Variants in BCL6B observed in about 807,000 individuals in gnomAD.
BCL6B encodes the protein B-cell CLL/lymphoma 6 member B protein.
Under a neutral mutation model 44.6 loss-of-function variants are expected in BCL6B, and 28 were observed. The observed-to-expected ratio is 0.63, with a 90% CI of 0.47 to 0.86. BCL6B has a LOEUF of 0.86. Among genes scored for constraint, BCL6B ranks in the 40% least tolerant of loss-of-function variants. The pLI, the probability that BCL6B is intolerant of heterozygous loss-of-function variation, is 0.00. For synonymous variants in BCL6B, 268 were observed against 263.6 expected (o/e 1.02, Z -0.16); for missense variants, 626 against 652.3 (o/e 0.96, Z 0.44).
At chr17:7,026,910 T>C in intron 7 of BCL6B, 40 bp from the exon 8 acceptor site, 1 of 1,611,280 alleles carries the variant, frequency 6.2e-7, no homozygotes, top group Middle Eastern at 1.6e-4. Context: ...GAGGGTTCTG[T>C]TCCTCCCAGA....
chr17:7,024,974 T>A lies in BCL6B; in HGVS notation c.765-102T>A, dbSNP rs779826118. 40 of 1,527,780 alleles carry A rather than the reference T, an allele frequency of 2.6e-5. No individual in the cohort carries two copies. Among genetic ancestry groups the A allele is most frequent in the Non-Finnish European group, 3.4e-5 (39 of 1,135,470 alleles). The allele number at this position is 1,527,780 out of a possible 1,614,324, so 94.6% of individuals were successfully genotyped here. ...TGGCTCATTGGTCAACAATATTGGC[T>A]CACCCTGAGAGGGCAGGCCTTTGGC... On this transcript the variant is annotated intron_variant, in intron 4 of 8. Coordinates refer to ENST00000293805, the MANE Select transcript of BCL6B (RefSeq NM_181844.4). This position sits in a 1 kb window ranked among gnomAD's most constrained non-coding sequence, Gnocchi z 6.6.
Position 7,027,074 on chromosome 17 carries a change from A to T in BCL6B, c.1310A>T (p.Glu437Val), listed in dbSNP as rs1465987874. 3.1e-6 allele frequency: 5 copies of T among 1,613,976 alleles called. No individual in the cohort carries two copies. The South Asian group carries it at 5.5e-5, about 18-fold the overall frequency. The stretch of plus-strand genomic sequence containing the variant: ...AGCCACGTTCGCATCCACACCGGAG[A>T]GAAGCCTTACCACGTGGGTACCCAA... ...LKSHVRIHTG[E>V]KPYHCDPCGL... Residue 437 changes from glutamate (E) to valine (V), a missense_variant, in exon 8 of 9, where the codon GAG (glutamate) becomes GTG (valine). Glu to Val is a moderately radical substitution (Grantham distance 121, BLOSUM62 -2). Coordinates refer to ENST00000293805, the MANE Select transcript of BCL6B (RefSeq NM_181844.4).
Position 7,026,552 on chromosome 17 carries a change from A to G in BCL6B, c.985A>G (p.Lys329Glu). 1 of 1,614,192 alleles carries G rather than the reference A, an allele frequency of 6.2e-7. No individual in the cohort carries two copies. Among genetic ancestry groups the G allele is most frequent in the Non-Finnish European group, 8.5e-7 (1 of 1,180,034 alleles). ...TCCTGGGGACGAAGACAAACCCTAT[A>G]AGTGTCAGCTGTGCCGGTCTTCGTT... ...LVPGDEDKPY[K>E]CQLCRSSFRY... Residue 329 changes from lysine (K) to glutamate (E), a missense_variant, in exon 6 of 9, where the codon AAG becomes GAG. Physicochemically the swap from Lys to Glu is moderately conservative, Grantham distance 56. Transcript: ENST00000293805.
At position 7,024,934 on chromosome 17, in the gene BCL6B, GC is replaced by G; in HGVS notation, c.765-141del. On this transcript the variant is annotated intron_variant, in intron 4 of 8. Transcript: ENST00000293805. This position sits in a 1 kb window ranked among gnomAD's most constrained non-coding sequence, Gnocchi z 6.6. ...GTTTATTCAGCAGGGTGGCACTTGG[GC>G]AGTACAATGGATGTGGCTCATTGGT... is the stretch of plus-strand genomic sequence containing the variant. The G allele has an allele frequency of 6.8e-7, 1 of 1,477,476 alleles. No homozygotes were observed. The highest frequency in any genetic ancestry group is 1.3e-5 in the South Asian group (1 of 74,792). The allele number at this position is 1,477,476 out of a possible 1,614,324, so 91.5% of individuals were successfully genotyped here. A position where few individuals can be genotyped will look rare whatever the true frequency, so the allele number is the denominator to read the frequency against.
chr17:7,026,763 G>A lies in BCL6B; in HGVS notation c.1113G>A (p.Leu371=), dbSNP rs768368792. 22 of 1,614,072 alleles carry A rather than the reference G, an allele frequency of 1.4e-5. No homozygotes were observed. In the Admixed American group the frequency reaches 2.5e-4, roughly 18 times the overall value. Residue 371 remains leucine (L), a synonymous_variant, in exon 7 of 9, where the codon CTG becomes CTA. Coordinates refer to ENST00000293805, the MANE Select transcript of BCL6B (RefSeq NM_181844.4). ...CGARFNRPAN[L]KTHSRIHSGE... ...CCCGTTTTAACCGGCCAGCAAACCT[G>A]AAAACGCACAGCCGCATCCATTCGG... is the stretch of plus-strand genomic sequence containing the variant.
intron 2 of BCL6B, 109 bp from the exon 3 acceptor site, chr17:7,023,974 G>A: frequency 6.6e-7 from 1 of 1,521,458 alleles, no homozygotes; most frequent in East Asian, 2.3e-5. Flanking sequence ...AATTGGGGGC[G>A]GGGTGATAGT....
chr17:7,027,607 CG>C lies in BCL6B; in HGVS notation c.1434del (p.Ter480SerfsTer2). The part of the protein sequence containing the change: ...TNTKVHYHIL[G>X]GP ...ACACCAAAGTGCACTACCACATTCT[CG>C]GGGGGCCCTAGCTGAGCGCAGGCCC... On this transcript the variant is annotated frameshift_variant, in exon 9 of 9. Coordinates refer to ENST00000293805, the MANE Select transcript of BCL6B (RefSeq NM_181844.4). LOFTEE classifies it high-confidence loss of function. 1.2e-6 allele frequency: 2 copies of C among 1,613,286 alleles called. No individual in the cohort carries two copies. The highest frequency in any genetic ancestry group is 8.5e-7 in the Non-Finnish European group (1 of 1,180,006).
Position 7,028,766 on chromosome 17 carries a change from CTT to C in BCL6B, c.*1149_*1150del, listed in dbSNP as rs1381616153. ...TGGCCTAGGGAAGAATCATGAAACTCTTTAGCTTGATTAGATGGTAAACAGTG... is the reference window on the plus strand; with the variant it reads ...TGGCCTAGGGAAGAATCATGAAACTCTAGCTTGATTAGATGGTAAACAGTG... On this transcript the variant is annotated 3_prime_UTR_variant, in exon 9 of 9. Transcript: ENST00000293805. The C allele has an allele frequency of 2.0e-6, 2 of 985,346 alleles. No homozygotes were observed. The highest frequency in any genetic ancestry group is 3.5e-5 in the African/African-American group (2 of 57,240). The allele number at this position is 985,346 out of a possible 1,614,324, so 61.0% of individuals were successfully genotyped here. A position where few individuals can be genotyped will look rare whatever the true frequency, so the allele number is the denominator to read the frequency against.
intron 5 of BCL6B, among the ~76,000 whole-genome samples, chr17:7,025,879 C>G (rs1460658471): frequency 1.3e-5 from 2 of 151,224 alleles, no homozygotes; most frequent in African/African-American, 4.9e-5. Context: ...AAACAAAACT[C>G]CTCCCACTAG....
chr17:7,023,314 G>A (rs779154778), intron 1 of BCL6B, among the ~76,000 whole-genome samples: 7 of 152,250 alleles, frequency 4.6e-5, no homozygotes, highest in Non-Finnish European at 8.8e-5. Context: ...TCTCGAGGCA[G>A]GGTTGGACAC....
intron 8 of BCL6B, 61 bp downstream of exon 8, chr17:7,027,148 G>C: frequency 6.3e-7 from 1 of 1,597,354 alleles, no homozygotes; most frequent in Non-Finnish European, 8.5e-7. Flanking sequence ...CCTAGGGGTG[G>C]GCTCTGAGAG....
At chr17:7,025,355 A>G (rs1388086234) in intron 5 of BCL6B, among the ~76,000 whole-genome samples, 155 bp downstream of exon 5, 1 of 152,188 alleles carries the variant, frequency 6.6e-6, no homozygotes, top group Non-Finnish European at 1.5e-5. Context: ...CCCAGGTCAC[A>G]CTCCATAGAT....
Position 7,026,699 on chromosome 17 carries a change from C to T in BCL6B, c.1055-6C>T. ...GTCCCTGATCTCCCATGTTCTCTGC[C>T]TCCAGGGGAAAAGCCTTACCACTGC... On this transcript the variant is annotated splice_polypyrimidine_tract_variant and splice_region_variant and intron_variant, in intron 6 of 8. Transcript: ENST00000293805. 1 of 1,614,260 alleles carries T rather than the reference C, an allele frequency of 6.2e-7. No individual in the cohort carries two copies.
rs372529088 is a variant in BCL6B at position 7,024,063 on chromosome 17, C to G, written c.180-20C>G. On this transcript the variant is annotated intron_variant, in intron 2 of 8. Coordinates refer to ENST00000293805, the MANE Select transcript of BCL6B (RefSeq NM_181844.4). The surrounding 1 kb of genome is among the most constrained non-coding windows in gnomAD (Gnocchi z 6.6). ...CCTTGGTTCCCCAGCCCCCAAAGGA[C>G]TTATCTGCTCTCTCTCTAGTGGCTT... is the stretch of plus-strand genomic sequence containing the variant. 1.4e-4 allele frequency: 219 copies of G among 1,612,242 alleles called. No individual in the cohort carries two copies. Among genetic ancestry groups the G allele is most frequent in the Non-Finnish European group, 1.7e-4 (203 of 1,178,848 alleles).
chr17:7,029,604 G>A lies in BCL6B; in HGVS notation c.*1985G>A. The A allele has an allele frequency of 7.7e-6, 9 of 1,171,446 alleles. No individual in the cohort carries two copies. The South Asian group carries it at 1.5e-4, about 19-fold the overall frequency. 72.6% of individuals were successfully genotyped at this position (1,171,446 alleles called of 1,614,324 possible). A position where few individuals can be genotyped will look rare whatever the true frequency, so the allele number is the denominator to read the frequency against. On this transcript the variant is annotated 3_prime_UTR_variant, in exon 9 of 9. Coordinates refer to ENST00000293805, the MANE Select transcript of BCL6B (RefSeq NM_181844.4). The stretch of plus-strand genomic sequence containing the variant: ...CCTGGGGGTAGAAATGTTAGATCTT[G>A]CAACATCAGATCCTTGGAATAAAGA...
intron 8 of BCL6B, 78 bp downstream of exon 8, chr17:7,027,165 G>A (rs1910321091): frequency 1.3e-6 from 2 of 1,560,150 alleles, no homozygotes; most frequent in African/African-American, 1.4e-5. Flanking sequence ...AGAGGTGCGG[G>A]CCTGGCTGTC....
Position 7,024,324 on chromosome 17 carries a change from C to A in BCL6B, c.401+20C>A, listed in dbSNP as rs370890575. 1 of 1,613,678 alleles carries A rather than the reference C, an allele frequency of 6.2e-7. No individual in the cohort carries two copies. Among genetic ancestry groups the A allele is most frequent in the Non-Finnish European group, 8.5e-7 (1 of 1,179,960 alleles). On this transcript the variant is annotated intron_variant, in intron 3 of 8. Coordinates refer to ENST00000293805, the MANE Select transcript of BCL6B (RefSeq NM_181844.4). The surrounding 1 kb of genome is among the most constrained non-coding windows in gnomAD (Gnocchi z 6.6). Reference sequence around the variant, plus strand: ...GGCCAGGTGAGGGACCCTGGCTCGGCGTTCTCTGTGGGTGAGGTGTTAAGG... The same window carrying A: ...GGCCAGGTGAGGGACCCTGGCTCGGAGTTCTCTGTGGGTGAGGTGTTAAGG...
chr17:7,023,535 G>A (rs1344433417), intron 1 of BCL6B, 125 bp from the exon 2 acceptor site: 8 of 884,908 alleles, frequency 9.0e-6, no homozygotes, highest in Non-Finnish European at 1.3e-5. Context: ...GAGGGAGGCT[G>A]CGTGTGCCGG....
chr17:7,027,365 A>G, intron 8 of BCL6B, 138 bp from the exon 9 acceptor site: 1 of 1,097,174 alleles, frequency 9.1e-7, no homozygotes, highest in East Asian at 2.4e-5. Flanking sequence ...ACCCCTGAGG[A>G]TTTGGGAGGA....
Sources: gnomAD v4.1 joint callset for allele counts (sites outside exome capture counted in the v4.1 genomes callset) on GRCh38, gnomAD v4.1.1 for gene constraint, Gnocchi (gnomAD v3.1) non-coding constraint, MANE v1.5 for transcripts, NCBI Gene and HGNC (gene_info 2026-07-23, HGNC 2026-07-21) for gene names.